LIPA: variants seen among roughly 807,000 people sequenced by gnomAD.
LIPA encodes the protein lysosomal acid lipase/cholesteryl ester hydrolase.
A neutral mutation model predicts 40.6 loss-of-function variants in LIPA; 26 were observed. The observed-to-expected ratio is 0.64, with a 90% CI of 0.47 to 0.89. LIPA has a LOEUF of 0.89. Ranked by LOEUF, LIPA falls within the 40% of genes least tolerant of loss-of-function variation. LIPA has a pLI of 0.00. For missense variants in LIPA, 455 were observed against 479.6 expected (o/e 0.95, Z 0.48); for synonymous variants, 188 against 168.4 (o/e 1.12, Z -0.90).
chr10:89,236,743 A>T (rs1458843676), intron 3 of LIPA, among the ~76,000 whole-genome samples: 1 of 149,736 alleles, frequency 6.7e-6, no homozygotes, highest in Non-Finnish European at 1.5e-5. Context: ...TTTCCGAAAT[A>T]CCTTTTATCT....
At chr10:89,387,585 GA>G (rs996919518) in intron 2 of LIPA, among the ~76,000 whole-genome samples, 3 of 152,122 alleles carry the variant, frequency 2.0e-5, no homozygotes, top group African/African-American at 7.2e-5. Flanking sequence ...AGAAAGAGAG[GA>G]AAAGGAAAGG....
chr10:89,227,132 AAAC>A (rs1240850234), intron 4 of LIPA, 128 bp from the exon 5 acceptor site: 1 of 713,448 alleles, frequency 1.4e-6, no homozygotes, highest in African/African-American at 1.7e-5. Flanking sequence ...TGAGTCCAGG[AAAC>A]AACACCAGCA....
chr10:89,403,119 C>A, intron 2 of LIPA: 1 of 1,614,154 alleles, frequency 6.2e-7, no homozygotes, highest in Non-Finnish European at 8.5e-7. Flanking sequence ...GCAGGAAACA[C>A]CCACTTCTGT....
At chr10:89,243,807 G>C (rs1842991945) in intron 3 of LIPA, among the ~76,000 whole-genome samples, 1 of 152,234 alleles carries the variant, frequency 6.6e-6, no homozygotes, top group African/African-American at 2.4e-5. Flanking sequence ...TGTATGGAGA[G>C]AGAAGTCTGA....
intron 2 of LIPA, among the ~76,000 whole-genome samples, chr10:89,382,913 G>T (rs560170492): frequency 6.6e-6 from 1 of 152,336 alleles, no homozygotes; most frequent in African/African-American, 2.4e-5. Flanking sequence ...ACATGAAAAA[G>T]ATGAGTAAGG....
At chr10:89,382,173 C>A (rs1463310158) in intron 2 of LIPA, among the ~76,000 whole-genome samples, 1 of 151,994 alleles carries the variant, frequency 6.6e-6, no homozygotes, top group Non-Finnish European at 1.5e-5. Flanking sequence ...TATATTGAGT[C>A]AGGATTTATA....
chr10:89,381,272 T>C (rs189617328), intron 2 of LIPA, among the ~76,000 whole-genome samples: 4 of 152,312 alleles, frequency 2.6e-5, no homozygotes, highest in African/African-American at 9.6e-5. Flanking sequence ...CCACGGGGCA[T>C]GAGTGGACGA....
intron 1 of LIPA, chr10:89,412,961 A>T (rs1216933671): frequency 1.9e-5 from 4 of 214,770 alleles, no homozygotes; most frequent in Middle Eastern, 3.7e-3. Flanking sequence ...TCACCTACGT[A>T]TTAAGCTCAG....
intron 2 of LIPA, among the ~76,000 whole-genome samples, chr10:89,377,667 G>A (rs1182681420): frequency 6.6e-6 from 1 of 152,194 alleles, no homozygotes; most frequent in Non-Finnish European, 1.5e-5. Flanking sequence ...CCTGGTCTAA[G>A]GAGCTTCCAT....
intron 1 of LIPA, among the ~76,000 whole-genome samples, chr10:89,318,843 C>T (rs1352995170): frequency 1.3e-5 from 2 of 152,152 alleles, no homozygotes; most frequent in Non-Finnish European, 2.9e-5. Flanking sequence ...TGTAAAAGAA[C>T]AGAAATTATA....
intron 1 of LIPA, among the ~76,000 whole-genome samples, chr10:89,322,889 C>A (rs1380399555): frequency 6.6e-6 from 1 of 152,208 alleles, no homozygotes; most frequent in Non-Finnish European, 1.5e-5. Flanking sequence ...TCTACCCCTG[C>A]CACTGGTTGC....
chr10:89,345,692 T>C (rs1173328060), upstream of LIPA, among the ~76,000 whole-genome samples: 5 of 152,106 alleles, frequency 3.3e-5, no homozygotes, highest in Non-Finnish European at 2.9e-5. Flanking sequence ...AAGTAATTTA[T>C]ACACAGCTGA....
intron 1 of LIPA, chr10:89,306,414 A>G: frequency 6.2e-7 from 1 of 1,614,194 alleles, no homozygotes; most frequent in Middle Eastern, 1.6e-4. Context: ...GGAGGAAACC[A>G]AAATGAAAGA....
chr10:89,327,120 C>G (rs867163044), intron 1 of LIPA, among the ~76,000 whole-genome samples: 1 of 152,254 alleles, frequency 6.6e-6, no homozygotes, highest in Middle Eastern at 3.4e-3. Flanking sequence ...TTGGAGACAT[C>G]CAATAGAAAT....
chr10:89,401,783 A>G (rs553735821), intron 2 of LIPA, among the ~76,000 whole-genome samples: 1 of 58,512 alleles, frequency 1.7e-5, no homozygotes, highest in East Asian at 6.5e-4. Context: ...CCAAGTAAAA[A>G]AAAAATGAAA....
rs762960877 is a variant in LIPA, at chr10:89,247,537, C to T, written c.111+1G>A. On this transcript the variant is annotated splice_donor_variant, in intron 2 of 9. Transcript: ENST00000336233. LOFTEE classifies it high-confidence loss of function. ...AAAGTACATAACTTTGAGAAACTTA[C>T]CACATTCATGTTTGTTTCAGGATCC... is the stretch of plus-strand genomic sequence containing the variant. 1.4e-5 allele frequency: 22 copies of T among 1,583,724 alleles called. No individual in the cohort carries two copies. The highest frequency in any genetic ancestry group is 1.8e-5 in the Non-Finnish European group (21 of 1,152,466).
At chr10:89,335,887 A>C (rs1261876332) in intron 1 of LIPA, among the ~76,000 whole-genome samples, 1 of 152,186 alleles carries the variant, frequency 6.6e-6, no homozygotes, top group Admixed American at 6.5e-5. Flanking sequence ...GTTATAACTT[A>C]CTTTTGGTAT....
At chr10:89,328,211 T>C in intron 1 of LIPA, 1 of 946,070 alleles carries the variant, frequency 1.1e-6, no homozygotes, top group Non-Finnish European at 1.6e-6. Flanking sequence ...AGTCTGAGCA[T>C]TTGTAAGATG....
chr10:89,248,442 ATATTTATTTATTTATTTATT>A (rs199626090), intron 1 of LIPA, among the ~76,000 whole-genome samples: 1 of 136,416 alleles, frequency 7.3e-6, no homozygotes, highest in Admixed American at 7.3e-5. Flanking sequence ...TTATTATTTT[ATATTTATTTATTTATTTATT>A]TATTTATTTA....
Sources: allele counts gnomAD v4.1 joint callset (sites outside exome capture counted in the v4.1 genomes callset), GRCh38; gene constraint gnomAD v4.1.1; transcripts MANE v1.5; gene names NCBI Gene and HGNC (gene_info 2026-07-23, HGNC 2026-07-21).